The following SORL1 variants were observed in gnomAD, a reference collection of about 807,000 sequenced individuals.
The protein encoded by SORL1 is sortilin-related receptor.
Under a neutral mutation model 273.7 loss-of-function variants are expected in SORL1, and 127 were observed. The observed-to-expected ratio is 0.46, with a 90% CI of 0.40 to 0.54. SORL1 has a LOEUF of 0.54. SORL1 is among the 20% of genes least tolerant of loss of function. The pLI is 0.00. For synonymous variants in SORL1, 1,031 were observed against 1,067.4 expected (o/e 0.97, Z 0.66); for missense variants, 2,494 against 2,846.1 (o/e 0.88, Z 2.81).
In SORL1 at chr11:121,618,887, G is replaced by T. The variant is rs776716758; in HGVS notation, c.5718G>T (p.Leu1906Phe). The T allele has an allele frequency of 5.0e-6, 8 of 1,614,086 alleles. No individual in the cohort carries two copies. In the South Asian group the frequency reaches 8.8e-5, roughly 18 times the overall value. Reference protein sequence around the residue: ...TVIVSKDEQYLFLVRVVVPYQ... With the variant: ...TVIVSKDEQYFFLVRVVVPYQ... ...TTGTCAGTAAGGATGAGCAGTATTT[G>T]TTTCTGGTAAGTTTCCCATACCGTT... The change falls in exon 42 of 48, where the codon TTG becomes TTT. Residue 1906 changes from leucine to phenylalanine, a missense_variant. Around this residue, in one of 3 missense-constraint regions of SORL1, gnomAD observed 1,609 missense variants for 1,816.4 expected, o/e 0.89. Transcript: ENST00000260197.
At position 121,586,294 on chromosome 11, in the gene SORL1, G is replaced by C. The variant is rs774188252; in HGVS notation, c.3779G>C (p.Arg1260Pro). The change falls in exon 27 of 48, where the codon CGT becomes CCT. Residue 1260 changes from arginine (R) to proline (P), a missense_variant. This residue lies in a region of SORL1 where 1,609 missense variants were observed against 1,816.4 expected (regional missense o/e 0.89). Transcript: ENST00000260197. ...IPSSKHCDGL[R>P]DCSDGSDEQH... ...TCCAGCAAACATTGTGATGGTCTGC[G>C]TGATTGCTCTGATGGCTCCGATGAA... 6.2e-7 allele frequency: 1 copy of C among 1,614,152 alleles called. No individual in the cohort carries two copies. Among genetic ancestry groups the C allele is most frequent in the Non-Finnish European group, 8.5e-7 (1 of 1,179,986 alleles).
At chr11:121,537,048 C>T (rs993081342) in intron 12 of SORL1, among the ~76,000 whole-genome samples, 13 of 152,200 alleles carry the variant, frequency 8.5e-5, no homozygotes, top group African/African-American at 2.9e-4. Context: ...AAAGCAAGGT[C>T]GGAATGCTTT....
intron 26 of SORL1, among the ~76,000 whole-genome samples, chr11:121,583,901 C>T (rs1863052629): frequency 6.6e-6 from 1 of 152,204 alleles, no homozygotes; most frequent in East Asian, 1.9e-4. Context: ...CCAAACATTC[C>T]AAGTTTTCAG....
At chr11:121,564,775 G>A (rs543687277) in intron 21 of SORL1, among the ~76,000 whole-genome samples, 1 of 151,920 alleles carries the variant, frequency 6.6e-6, no homozygotes, top group East Asian at 1.9e-4. Flanking sequence ...TCTTCACTAT[G>A]TTGCTCAGGG....
chr11:121,622,310 T>G (rs753606344), intron 45 of SORL1, 42 bp downstream of exon 45: 1 of 1,121,156 alleles, frequency 8.9e-7, no homozygotes, highest in South Asian at 1.3e-5. Context: ...GAAATTTAAT[T>G]GAAATGCTGT....
chr11:121,560,892 GGGGCTGGCCTTT>G (rs1862662523), intron 21 of SORL1, among the ~76,000 whole-genome samples: 1 of 152,186 alleles, frequency 6.6e-6, no homozygotes. Context: ...CACTAGTTTA[GGGGCTGGCCTTT>G]TGTTGCAATT....
intron 21 of SORL1, chr11:121,566,687 C>T: frequency 2.5e-6 from 1 of 404,178 alleles, no homozygotes; most frequent in East Asian, 4.2e-5. Context: ...ATTACAAATT[C>T]CCAGGAGGAA....
At position 121,551,004 on chromosome 11, in the gene SORL1, T is replaced by C. The variant is rs531586223; in HGVS notation, c.2266+334T>C. ...TGTTCCTTAATCTGTTTGTCAAAGT[T>C]GAGTATAAAGAGGTGTGTGACTTCT... On this transcript the variant is annotated intron_variant, in intron 16 of 47. Coordinates refer to ENST00000260197, the MANE Select transcript of SORL1 (RefSeq NM_003105.6). Among the ~76,000 whole-genome samples the C allele has an allele frequency of 4.6e-5, 7 of 152,332 alleles. 1 individual carries two copies. The East Asian group carries it at 7.7e-4, about 17-fold the overall frequency.
chr11:121,625,647 G>A (rs1490060425), intron 46 of SORL1, among the ~76,000 whole-genome samples: 2 of 152,006 alleles, frequency 1.3e-5, no homozygotes, highest in Non-Finnish European at 2.9e-5. Flanking sequence ...TCATCTCCTT[G>A]TCATGGATTT....
At chr11:121,499,013 A>C (rs1861672102) in intron 6 of SORL1, among the ~76,000 whole-genome samples, 1 of 152,128 alleles carries the variant, frequency 6.6e-6, no homozygotes, top group South Asian at 2.1e-4. Context: ...GCCAGTGGTA[A>C]GATTAGGGGT....
Position 121,606,856 on chromosome 11 carries a change from C to A in SORL1, c.4960C>A (p.Pro1654Thr). 1.2e-6 allele frequency: 2 copies of A among 1,613,778 alleles called. No individual in the cohort carries two copies. The highest frequency in any genetic ancestry group is 1.7e-6 in the Non-Finnish European group (2 of 1,179,734). The change falls in exon 36 of 48, where the codon CCT becomes ACT. Residue 1654 changes from proline (P) to threonine (T), a missense_variant. Pro to Thr is a conservative substitution (Grantham distance 38, BLOSUM62 -1). Coordinates refer to ENST00000260197, the MANE Select transcript of SORL1 (RefSeq NM_003105.6). ...GACTCTTTTTCTAGTGCCAGATGCCCCTCGAAATCTCCAGCTGTCACTCCC... is the reference window on the plus strand; with the variant it reads ...GACTCTTTTTCTAGTGCCAGATGCCACTCGAAATCTCCAGCTGTCACTCCC... ...LRTPEGLPDA[P>T]RNLQLSLPRE...
chr11:121,512,955 G>T, intron 6 of SORL1, 48 bp from the exon 7 acceptor site: 1 of 1,251,968 alleles, frequency 8.0e-7, no homozygotes, highest in South Asian at 1.2e-5. Flanking sequence ...GCTTTTGAAT[G>T]ACTGTAATGT....
chr11:121,549,673 T>G (rs370856421), intron 14 of SORL1, among the ~76,000 whole-genome samples: 1 of 115,710 alleles, frequency 8.6e-6, no homozygotes, highest in Admixed American at 9.0e-5. Flanking sequence ...GAGTCTTAAA[T>G]TGGGAACTGG....
intron 34 of SORL1, 42 bp downstream of exon 34, chr11:121,605,281 C>T: frequency 6.3e-7 from 1 of 1,595,364 alleles, no homozygotes; most frequent in South Asian, 1.1e-5. Context: ...ATGATGTCTT[C>T]ATTGCCCCAG....
rs114591777 is a variant in SORL1, at chr11:121,473,172, C to A, written c.402+3049C>A. Among the ~76,000 whole-genome samples, 468 of 152,254 alleles carry A rather than the reference C, an allele frequency of 3.1e-3. 6 individuals are homozygous for A. Among genetic ancestry groups the A allele is most frequent in the African/African-American group, 0.011 (447 of 41,540 alleles). The stretch of plus-strand genomic sequence containing the variant: ...TTGGGGTAATAACAATCCAAATTCT[C>A]TTTAAAGAAGACTGAGCATGGTTTG... On this transcript the variant is annotated intron_variant, in intron 2 of 47. Transcript: ENST00000260197.
Position 121,558,580 on chromosome 11 carries a change from A to C in SORL1, c.2664-11A>C. 1 of 1,613,972 alleles carries C rather than the reference A, an allele frequency of 6.2e-7. No homozygotes were observed. The highest frequency in any genetic ancestry group is 8.5e-7 in the Non-Finnish European group (1 of 1,179,962). On this transcript the variant is annotated splice_polypyrimidine_tract_variant and intron_variant, in intron 19 of 47. Transcript: ENST00000260197. The stretch of plus-strand genomic sequence containing the variant: ...TTGATGAGGTATGTGTTCTGTCCCC[A>C]TTTTCGCTAGGGTGATGTTCTGGAC...
At chr11:121,615,320 C>T (rs929267657) in intron 41 of SORL1, among the ~76,000 whole-genome samples, 1 of 152,162 alleles carries the variant, frequency 6.6e-6, no homozygotes, top group Non-Finnish European at 1.5e-5. Flanking sequence ...CGTCCCAAGG[C>T]TCTTGGCACA....
chr11:121,564,798 C>T (rs561979937), intron 21 of SORL1, among the ~76,000 whole-genome samples: 2 of 152,060 alleles, frequency 1.3e-5, no homozygotes, highest in Admixed American at 1.3e-4. Context: ...GTCTCGAACT[C>T]CTGGGCTCGA....
chr11:121,569,191 C>T (rs1357637768), intron 22 of SORL1, among the ~76,000 whole-genome samples: 1 of 152,192 alleles, frequency 6.6e-6, no homozygotes, highest in Non-Finnish European at 1.5e-5. Context: ...ATCTCTTAAT[C>T]CCGTCATCTT....
Sources: gnomAD v4.1 joint callset for allele counts (sites outside exome capture counted in the v4.1 genomes callset) on GRCh38, gnomAD v4.1.1 for gene constraint, gnomAD v4.1.1 regional missense constraint, MANE v1.5 for transcripts, NCBI Gene and HGNC (gene_info 2026-07-23, HGNC 2026-07-21) for gene names.